The following ZXDC variants were observed in gnomAD, a reference collection of about 807,000 sequenced individuals.
ZXDC encodes the protein zinc finger protein ZXDC.
ZXDC carries 58 observed loss-of-function variants against 63.6 expected under a neutral mutation model. The ratio of observed to expected loss-of-function variants is 0.91; its 90% confidence interval spans 0.74 to 1.13. The LOEUF is 1.13. ZXDC is among the 50% of genes most tolerant of loss of function. The pLI, the probability that ZXDC is intolerant of heterozygous loss-of-function variation, is 0.00. For missense variants in ZXDC, 1,133 were observed against 1,148.9 expected (o/e 0.99, Z 0.20); for synonymous variants, 561 against 496.1 (o/e 1.13, Z -1.74).
chr3:126,461,343 A>C (rs1262065108), intron 6 of ZXDC, 192 bp downstream of exon 6: 1 of 1,374,408 alleles, frequency 7.3e-7, no homozygotes, highest in Non-Finnish European at 9.4e-7. Flanking sequence ...ATAAATGAGA[A>C]TTTAAGGCTC....
intron 7 of ZXDC, among the ~76,000 whole-genome samples, chr3:126,444,826 G>A (rs1403871115): frequency 6.6e-6 from 1 of 152,194 alleles, no homozygotes; most frequent in Non-Finnish European, 1.5e-5. Context: ...CGAATCATGG[G>A]AAAATCAGAA....
intron 7 of ZXDC, among the ~76,000 whole-genome samples, chr3:126,455,722 G>C (rs1173975760): frequency 2.6e-5 from 4 of 152,194 alleles, no homozygotes; most frequent in African/African-American, 9.7e-5. Context: ...TTGAGGCCGG[G>C]CATGGTGGCT....
chr3:126,444,124 A>G (rs973324049), intron 7 of ZXDC, among the ~76,000 whole-genome samples: 7 of 152,228 alleles, frequency 4.6e-5, no homozygotes, highest in African/African-American at 1.7e-4. Context: ...CTGCCCACGA[A>G]GCCCCAGCAG....
At chr3:126,458,833 T>C in intron 7 of ZXDC, 19 of 985,396 alleles carry the variant, frequency 1.9e-5, no homozygotes, top group Non-Finnish European at 2.3e-5. Context: ...TGTTGAGGTG[T>C]CCCTTCCTAA....
chr3:126,449,498 C>T (rs1576667387), intron 7 of ZXDC, among the ~76,000 whole-genome samples: 1 of 152,246 alleles, frequency 6.6e-6, no homozygotes, highest in East Asian at 1.9e-4. Flanking sequence ...GGCTAGGCAA[C>T]CTGCCCCAGG....
At chr3:126,470,786 G>T in intron 4 of ZXDC, 109 bp downstream of exon 4, 2 of 1,451,490 alleles carry the variant, frequency 1.4e-6, no homozygotes, top group Non-Finnish European at 1.9e-6. Context: ...AACTTATATT[G>T]AGTCAGTCTT....
intron 7 of ZXDC, chr3:126,453,016 CTCTCTT>C (rs1934166978): frequency 2.0e-6 from 2 of 985,342 alleles, no homozygotes; most frequent in Non-Finnish European, 2.4e-6. Flanking sequence ...GGGATTACAG[CTCTCTT>C]TCTGAGAGAT....
chr3:126,463,878 C>A (rs191241768), intron 5 of ZXDC, among the ~76,000 whole-genome samples: 1 of 152,212 alleles, frequency 6.6e-6, no homozygotes, highest in African/African-American at 2.4e-5. Flanking sequence ...AAAAGAAAAT[C>A]AAATTCAGAA....
chr3:126,442,192 A>G (rs1415203218), intron 7 of ZXDC: 1 of 350,274 alleles, frequency 2.9e-6, no homozygotes, highest in Admixed American at 5.0e-5. Context: ...TTTTTTTGCC[A>G]GACGGTACGG....
chr3:126,440,213 TCA>T, intron 8 of ZXDC: 1 of 998,104 alleles, frequency 1.0e-6, no homozygotes, highest in African/African-American at 1.7e-5. Flanking sequence ...GCCAGGCCCC[TCA>T]CAGTCCAGGC....
chr3:126,457,890 A>G (rs565408483), intron 7 of ZXDC, among the ~76,000 whole-genome samples: 2 of 152,232 alleles, frequency 1.3e-5, no homozygotes, highest in Non-Finnish European at 2.9e-5. Context: ...CGTAACTACT[A>G]ATTTTCAGGA....
chr3:126,439,512 C>T, intron 9 of ZXDC, 120 bp downstream of exon 9: 1 of 1,523,306 alleles, frequency 6.6e-7, no homozygotes, highest in Non-Finnish European at 8.8e-7. Flanking sequence ...AACCAACCCA[C>T]TGAGCCTCCC....
At chr3:126,453,919 T>C (rs1934208204) in intron 7 of ZXDC, 1 of 985,004 alleles carries the variant, frequency 1.0e-6, no homozygotes, top group Non-Finnish European at 1.2e-6. Context: ...TTCCAAGTAA[T>C]TTTTACTAAT....
At chr3:126,474,080 T>TTTTG (rs1283045993) in intron 1 of ZXDC, among the ~76,000 whole-genome samples, 3 of 150,948 alleles carry the variant, frequency 2.0e-5, no homozygotes, top group Non-Finnish European at 4.4e-5. Context: ...TTTTTTTTTT[T>TTTTG]TTGAGACGGT....
At chr3:126,468,658 C>T (rs1468533912) in intron 4 of ZXDC, among the ~76,000 whole-genome samples, 1 of 152,202 alleles carries the variant, frequency 6.6e-6, no homozygotes, top group East Asian at 1.9e-4. Context: ...GAAGTGTCAG[C>T]ACAAACCATC....
At position 126,475,614 on chromosome 3, in the gene ZXDC, G is replaced by C; in HGVS notation, c.252C>G (p.Gly84=). Residue 84 remains glycine (G), a synonymous_variant, in exon 1 of 10, where the codon GGC becomes GGG. Transcript: ENST00000389709. ...ATCCGGCAGCCTCGGCGGCAGCGCC[G>C]CCGTGCGGCACTTCCAGCAGCACCA... ...SFLVLLEVPH[G]GAAAEAAGSQ... is the part of the protein sequence containing the mutation. 6.8e-7 allele frequency: 1 copy of C among 1,472,480 alleles called. No individual in the cohort carries two copies. The highest frequency in any genetic ancestry group is 9.0e-7 in the Non-Finnish European group (1 of 1,110,218). 91.2% of individuals were successfully genotyped at this position (1,472,480 alleles called of 1,614,324 possible). A position where few individuals can be genotyped will look rare whatever the true frequency, so the allele number is the denominator to read the frequency against.
In ZXDC at chr3:126,475,010, G is replaced by T; in HGVS notation, c.856C>A (p.His286Asn). The change falls in exon 1 of 10, where the codon CAC becomes AAC. Residue 286 changes from histidine (H) to asparagine (N), a missense_variant. His to Asn is a moderately conservative substitution (Grantham distance 68). Coordinates refer to ENST00000389709, the MANE Select transcript of ZXDC (RefSeq NM_025112.5). ...RFPTHAKLSS[H>N]QRSHFEPERP... is the part of the protein sequence containing the mutation. Reference sequence around the variant, plus strand: ...TCGGGCTCGAAGTGGCTGCGCTGGTGGGAGCTGAGCTTGGCGTGCGTGGGG... The same window carrying T: ...TCGGGCTCGAAGTGGCTGCGCTGGTTGGAGCTGAGCTTGGCGTGCGTGGGG... The T allele has an allele frequency of 6.3e-7, 1 of 1,596,810 alleles. No homozygotes were observed. Among genetic ancestry groups the T allele is most frequent in the South Asian group, 1.1e-5 (1 of 88,628 alleles).
intron 5 of ZXDC, among the ~76,000 whole-genome samples, chr3:126,463,532 T>TATATACA (rs1167443834): frequency 6.6e-6 from 1 of 152,254 alleles, no homozygotes; most frequent in Non-Finnish European, 1.5e-5. Flanking sequence ...TAGGCAAGTT[T>TATATACA]AGGGTTTGTA....
Position 126,437,878 on chromosome 3 carries a change from A to G in ZXDC, c.*497T>C, listed in dbSNP as rs1303966323. ...GCTAGAATTTGGCTTCACGGTGGCA[A>G]TGGGACCACCTGGGCCCTACAGTGT... is the stretch of plus-strand genomic sequence containing the variant. On this transcript the variant is annotated 3_prime_UTR_variant, in exon 10 of 10. Transcript: ENST00000389709. 2 of 157,248 alleles carry G rather than the reference A, an allele frequency of 1.3e-5. No homozygotes were observed. The highest frequency in any genetic ancestry group is 2.4e-5 in the African/African-American group (1 of 41,396). 9.7% of individuals were successfully genotyped at this position (157,248 alleles called of 1,614,324 possible).
Sources: allele counts gnomAD v4.1 joint callset (sites outside exome capture counted in the v4.1 genomes callset), GRCh38; gene constraint gnomAD v4.1.1; transcripts MANE v1.5; gene names NCBI Gene and HGNC (gene_info 2026-07-23, HGNC 2026-07-21).